The following DSCAM variants were observed in gnomAD, a reference collection of about 807,000 sequenced individuals.
DSCAM encodes DS cell adhesion molecule, also known as cell adhesion molecule DSCAM.
DSCAM carries 47 observed loss-of-function variants against 217.7 expected under a neutral mutation model. That is an observed-to-expected ratio of 0.22 (90% CI 0.17 to 0.28). DSCAM has a LOEUF of 0.28. Among genes scored for constraint, DSCAM ranks in the 10% least tolerant of loss-of-function variants. The pLI, the probability that DSCAM is intolerant of heterozygous loss-of-function variation, is 1.00. For synonymous variants in DSCAM, 1,056 were observed against 1,015.3 expected, an observed-to-expected ratio of 1.04 and a Z score of -0.76; for missense variants, 2,080 against 2,618.3, an observed-to-expected ratio of 0.79 and a Z score of 4.49.
At chr21:40,681,194 C>T (rs9979210) in intron 3 of DSCAM, among the ~76,000 whole-genome samples, 63,163 of 152,118 alleles carry the variant, frequency 0.42, 13,946 homozygotes, top group East Asian at 0.58. Context: ...CTTGAAGATG[C>T]CCAATAAACC....
intron 3 of DSCAM, among the ~76,000 whole-genome samples, chr21:40,528,687 C>A (rs530240957): frequency 6.6e-6 from 1 of 152,030 alleles, no homozygotes. Flanking sequence ...TGGCTTTATA[C>A]GTCCCTACTC....
chr21:40,321,118 T>C (rs2074254533), intron 8 of DSCAM, among the ~76,000 whole-genome samples: 1 of 152,240 alleles, frequency 6.6e-6, no homozygotes, highest in Non-Finnish European at 1.5e-5. Flanking sequence ...TGTCTCTTAC[T>C]AATCATACGC....
intron 14 of DSCAM, among the ~76,000 whole-genome samples, chr21:40,185,284 C>A (rs1442316016): frequency 6.6e-6 from 1 of 152,194 alleles, no homozygotes; most frequent in Non-Finnish European, 1.5e-5. Flanking sequence ...AGGCAGAGGG[C>A]AGCTGGTGGC....
At chr21:40,505,264 G>A (rs966034453) in intron 3 of DSCAM, among the ~76,000 whole-genome samples, 4 of 152,220 alleles carry the variant, frequency 2.6e-5, no homozygotes, top group Non-Finnish European at 5.9e-5. Flanking sequence ...ATTCAGCACA[G>A]TTTGAAAATG....
At chr21:40,243,077 A>C (rs1331548159) in intron 11 of DSCAM, among the ~76,000 whole-genome samples, 4 of 152,166 alleles carry the variant, frequency 2.6e-5, no homozygotes, top group Non-Finnish European at 4.4e-5. Flanking sequence ...CTCCCACCTC[A>C]CAGCTGAGTG....
chr21:40,610,210 A>T (rs1235729433), intron 3 of DSCAM, among the ~76,000 whole-genome samples: 1 of 152,182 alleles, frequency 6.6e-6, no homozygotes, highest in Non-Finnish European at 1.5e-5. Context: ...GAAAGAAAAA[A>T]ATGCCCACAT....
intron 8 of DSCAM, among the ~76,000 whole-genome samples, chr21:40,328,792 T>C (rs186190693): frequency 1.3e-5 from 2 of 152,066 alleles, no homozygotes; most frequent in East Asian, 1.9e-4. Flanking sequence ...AACAATGCAA[T>C]AGCAAGAAAA....
At chr21:40,557,714 G>T (rs1601742494) in intron 3 of DSCAM, among the ~76,000 whole-genome samples, 1 of 152,114 alleles carries the variant, frequency 6.6e-6, no homozygotes, top group East Asian at 1.9e-4. Context: ...AGCAACCTGA[G>T]GCCCTCACTG....
At chr21:40,319,063 C>T (rs1569061026) in intron 8 of DSCAM, among the ~76,000 whole-genome samples, 1 of 152,050 alleles carries the variant, frequency 6.6e-6, no homozygotes, top group African/African-American at 2.4e-5. Flanking sequence ...CCAAATCATA[C>T]AAAACTTTAA....
intron 3 of DSCAM, among the ~76,000 whole-genome samples, chr21:40,666,254 T>A (rs905668755): frequency 6.6e-6 from 1 of 152,182 alleles, no homozygotes. Flanking sequence ...GCTACACCCA[T>A]GCACTGTGCA....
At chr21:40,030,111 T>G (rs1482920621) in intron 32 of DSCAM, among the ~76,000 whole-genome samples, 1 of 152,200 alleles carries the variant, frequency 6.6e-6, no homozygotes, top group African/African-American at 2.4e-5. Flanking sequence ...CATGCTCCCA[T>G]GCATGGATAC....
In DSCAM at chr21:40,402,543, A is replaced by G. The variant is rs138637318; in HGVS notation, c.509-33298T>C. Reference sequence around the variant, plus strand: ...AGAAATAATGATTTTTTCCACGGGGAGTAAACTATCTATATATTTCCAAGT... The same window carrying G: ...AGAAATAATGATTTTTTCCACGGGGGGTAAACTATCTATATATTTCCAAGT... On this transcript the variant is annotated intron_variant, in intron 3 of 32. Coordinates refer to ENST00000400454, the MANE Select transcript of DSCAM (RefSeq NM_001389.5). Among the ~76,000 whole-genome samples, 305 of 152,216 alleles carry G rather than the reference A, an allele frequency of 2.0e-3. 1 individual carries two copies. Among genetic ancestry groups the G allele is most frequent in the African/African-American group, 7.1e-3 (296 of 41,538 alleles).
intron 11 of DSCAM, among the ~76,000 whole-genome samples, chr21:40,263,104 A>T (rs1461361339): frequency 6.6e-6 from 1 of 152,246 alleles, no homozygotes; most frequent in Non-Finnish European, 1.5e-5. Context: ...AAAATTAATA[A>T]AATATGTCTA....
At chr21:40,543,424 G>T (rs969287639) in intron 3 of DSCAM, among the ~76,000 whole-genome samples, 1 of 152,168 alleles carries the variant, frequency 6.6e-6, no homozygotes. Flanking sequence ...CAGAGCATTG[G>T]CCTCATGACC....
At chr21:40,592,994 C>T (rs2076994879) in intron 3 of DSCAM, among the ~76,000 whole-genome samples, 1 of 152,146 alleles carries the variant, frequency 6.6e-6, no homozygotes, top group African/African-American at 2.4e-5. Context: ...ATACATTTGA[C>T]GAAGTTAAAT....
chr21:40,250,215 G>C (rs1029306940), intron 11 of DSCAM, among the ~76,000 whole-genome samples: 1 of 152,132 alleles, frequency 6.6e-6, no homozygotes, highest in African/African-American at 2.4e-5. Flanking sequence ...AATTCATGCA[G>C]CATCTGGGGA....
chr21:40,669,283 T>C lies in DSCAM; in HGVS notation c.508+23527A>G, dbSNP rs142406560. Reference sequence around the variant, plus strand: ...CAAAGAGCTCACTGATGAATAATTATGTGATCAACAGACACAGGGAAAGCT... The same window carrying C: ...CAAAGAGCTCACTGATGAATAATTACGTGATCAACAGACACAGGGAAAGCT... On this transcript the variant is annotated intron_variant, in intron 3 of 32. Transcript: ENST00000400454. Among the ~76,000 whole-genome samples, 256 of 152,262 alleles carry C rather than the reference T, an allele frequency of 1.7e-3. 3 individuals are homozygous for C. Among genetic ancestry groups the C allele is most frequent in the African/African-American group, 6.0e-3 (250 of 41,548 alleles).
chr21:40,433,716 C>T (rs904251650), intron 3 of DSCAM, among the ~76,000 whole-genome samples: 30 of 152,118 alleles, frequency 2.0e-4, no homozygotes, highest in Non-Finnish European at 1.0e-4. Context: ...TGGATGTCAC[C>T]TGAGGTAGAT....
intron 3 of DSCAM, among the ~76,000 whole-genome samples, chr21:40,516,906 T>TACAC (rs575655866): frequency 2.1e-5 from 3 of 145,566 alleles, no homozygotes; most frequent in African/African-American, 7.7e-5. Context: ...TATATATATA[T>TACAC]ACACACACAC....
Sources: gnomAD v4.1 joint callset for allele counts (sites outside exome capture counted in the v4.1 genomes callset) on GRCh38, gnomAD v4.1.1 for gene constraint, MANE v1.5 for transcripts, NCBI Gene and HGNC (gene_info 2026-07-23, HGNC 2026-07-21) for gene names.